CTNNA3: variants seen among roughly 807,000 people sequenced by gnomAD.
The protein encoded by CTNNA3 is catenin alpha 3.
CTNNA3 carries 76 observed loss-of-function variants against 95.7 expected under a neutral mutation model. The ratio of observed to expected loss-of-function variants is 0.79; its 90% CI spans 0.66 to 0.96. The LOEUF is 0.96. CTNNA3 is among the 40% of genes least tolerant of loss of function. CTNNA3 has a pLI of 0.00. For synonymous variants in CTNNA3, 431 were observed against 374.4 expected (o/e 1.15, Z -1.74); for missense variants, 1,191 against 1,089.8 (o/e 1.09, Z -1.31).
At position 67,184,412 on chromosome 10, in the gene CTNNA3, A is replaced by G. The variant is rs76653585; in HGVS notation, c.844-3892T>C. Among the ~76,000 whole-genome samples, 1,203 of 152,284 alleles carry G rather than the reference A, an allele frequency of 7.9e-3. 53 individuals carry two copies. The East Asian group carries it at 0.12, about 15-fold the overall frequency. On this transcript the variant is annotated intron_variant, in intron 6 of 17. Transcript: ENST00000433211. ...CAGGATCTTGATATCAATTGTTTAAAAAATTTCTATTGAAAGCTCTGCTCT... is the reference window on the plus strand; with the variant it reads ...CAGGATCTTGATATCAATTGTTTAAGAAATTTCTATTGAAAGCTCTGCTCT...
chr10:66,815,000 T>G (rs1295977974), intron 7 of CTNNA3, among the ~76,000 whole-genome samples: 1 of 151,742 alleles, frequency 6.6e-6, no homozygotes, highest in Non-Finnish European at 1.5e-5. Flanking sequence ...TACAGGCGCC[T>G]GCCACCACGC....
At chr10:67,430,260 C>T (rs1333346819) in intron 5 of CTNNA3, among the ~76,000 whole-genome samples, 1 of 151,924 alleles carries the variant, frequency 6.6e-6, no homozygotes, top group Admixed American at 6.6e-5. Flanking sequence ...ACAGTTGGTT[C>T]CTAGAAAAGT....
intron 5 of CTNNA3, among the ~76,000 whole-genome samples, chr10:67,231,566 AG>A (rs1865212483): frequency 6.6e-6 from 1 of 152,220 alleles, no homozygotes; most frequent in Non-Finnish European, 1.5e-5. Context: ...AAAACCACAA[AG>A]ATGTGGAAAA....
intron 9 of CTNNA3, among the ~76,000 whole-genome samples, chr10:66,732,902 T>A (rs10762098): frequency 0.5 from 75,773 of 151,878 alleles, 19,105 homozygotes; most frequent in African/African-American, 0.56. Context: ...TTCAAGTGAT[T>A]CTCATGCCTC....
intron 5 of CTNNA3, among the ~76,000 whole-genome samples, chr10:67,243,333 C>G (rs934655862): frequency 1.2e-4 from 19 of 152,098 alleles, no homozygotes; most frequent in African/African-American, 4.1e-4. Flanking sequence ...CCAATATACA[C>G]CCTTGCTCTG....
chr10:66,661,014 G>A (rs1339491377), intron 9 of CTNNA3, among the ~76,000 whole-genome samples: 1 of 151,988 alleles, frequency 6.6e-6, no homozygotes, highest in Non-Finnish European at 1.5e-5. Context: ...TATATTAAGT[G>A]CTCAGTACAG....
At chr10:66,951,098 C>T (rs904346975) in intron 7 of CTNNA3, among the ~76,000 whole-genome samples, 5 of 150,142 alleles carry the variant, frequency 3.3e-5, no homozygotes, top group African/African-American at 1.2e-4. Context: ...TACACACACA[C>T]ACACACACAC....
chr10:65,945,400 C>T (rs2077501051), intron 17 of CTNNA3, among the ~76,000 whole-genome samples: 1 of 152,158 alleles, frequency 6.6e-6, no homozygotes, highest in Non-Finnish European at 1.5e-5. Flanking sequence ...TTTGGACAAA[C>T]TTGATTGATA....
intron 13 of CTNNA3, among the ~76,000 whole-genome samples, chr10:66,133,035 C>T (rs1375654024): frequency 6.6e-6 from 1 of 151,646 alleles, no homozygotes; most frequent in African/African-American, 2.4e-5. Flanking sequence ...TGTACAAGTA[C>T]CCCAGCACCT....
intron 11 of CTNNA3, among the ~76,000 whole-genome samples, chr10:66,488,495 G>A (rs1839814089): frequency 6.6e-6 from 1 of 152,020 alleles, no homozygotes. Flanking sequence ...AAATGCCTTT[G>A]GTGTTGATCA....
intron 5 of CTNNA3, among the ~76,000 whole-genome samples, chr10:67,343,751 C>G (rs535541087): frequency 5.1e-4 from 77 of 151,606 alleles, no homozygotes; most frequent in African/African-American, 1.8e-3. Flanking sequence ...TATTTTTTCT[C>G]TTGTCTGATT....
At chr10:65,991,144 G>C (rs2078537333) in intron 15 of CTNNA3, among the ~76,000 whole-genome samples, 1 of 151,910 alleles carries the variant, frequency 6.6e-6, no homozygotes, top group Non-Finnish European at 1.5e-5. Context: ...TGCTTTTTTG[G>C]TTACTACAGC....
intron 7 of CTNNA3, among the ~76,000 whole-genome samples, chr10:66,901,548 G>C (rs1459352150): frequency 6.6e-6 from 1 of 152,066 alleles, no homozygotes; most frequent in Non-Finnish European, 1.5e-5. Context: ...AATGTAAATG[G>C]GTTAAATGCC....
intron 7 of CTNNA3, among the ~76,000 whole-genome samples, chr10:66,861,419 G>A (rs115300033): frequency 1.3e-3 from 197 of 152,176 alleles, no homozygotes; most frequent in African/African-American, 4.5e-3. Flanking sequence ...AACTGTCCCC[G>A]TATGAATGAG....
At chr10:66,612,252 T>C (rs932866549) in intron 10 of CTNNA3, among the ~76,000 whole-genome samples, 1 of 152,144 alleles carries the variant, frequency 6.6e-6, no homozygotes, top group Admixed American at 6.6e-5. Flanking sequence ...GACTTCTGCA[T>C]GTAATATTCA....
At chr10:66,337,248 G>A (rs886096367) in intron 12 of CTNNA3, among the ~76,000 whole-genome samples, 3 of 151,998 alleles carry the variant, frequency 2.0e-5, no homozygotes, top group Admixed American at 6.6e-5. Flanking sequence ...TGCATACGAA[G>A]GCTTTTTGTA....
At position 66,035,441 on chromosome 10, in the gene CTNNA3, C is replaced by G. The variant is rs78382954; in HGVS notation, c.2159+33867G>C. Among the ~76,000 whole-genome samples, 752 of 151,106 alleles carry G rather than the reference C, an allele frequency of 5.0e-3. 21 individuals are homozygous for G. The highest frequency in any genetic ancestry group is 0.043 in the East Asian group (221 of 5,154). ...GGTAGAAGCAAATAATTTAAATAAACAAATACATATATACCTACATAAAAG... is the reference window on the plus strand; with the variant it reads ...GGTAGAAGCAAATAATTTAAATAAAGAAATACATATATACCTACATAAAAG... On this transcript the variant is annotated intron_variant, in intron 15 of 17. Transcript: ENST00000433211.
At chr10:67,405,506 T>C (rs954780292) in intron 5 of CTNNA3, among the ~76,000 whole-genome samples, 1 of 152,174 alleles carries the variant, frequency 6.6e-6, no homozygotes, top group African/African-American at 2.4e-5. Context: ...CTGTCCTAAA[T>C]ATATGTGCAC....
intron 11 of CTNNA3, among the ~76,000 whole-genome samples, chr10:66,385,346 A>T (rs936541774): frequency 3.3e-5 from 5 of 152,212 alleles, no homozygotes; most frequent in African/African-American, 1.2e-4. Context: ...TCTAGAAGAA[A>T]TGGATAAATT....
Sources: allele counts gnomAD v4.1 joint callset (sites outside exome capture counted in the v4.1 genomes callset), GRCh38; gene constraint gnomAD v4.1.1; transcripts MANE v1.5; gene names NCBI Gene and HGNC (gene_info 2026-07-23, HGNC 2026-07-21).